The following ZFP91 variants were observed in gnomAD, a reference collection of about 807,000 sequenced individuals.
ZFP91 encodes the protein E3 ubiquitin-protein ligase ZFP91.
ZFP91 carries 7 observed loss-of-function variants against 63.5 expected under a neutral mutation model. The observed-to-expected ratio is 0.11, with a 90% CI of 0.06 to 0.21. The LOEUF (loss-of-function observed/expected upper bound fraction) is 0.21. ZFP91 is among the 10% of genes least tolerant of loss of function. The probability of loss-of-function intolerance (pLI) is 1.00; values close to 1 mark genes in which losing one functional copy is unlikely to be tolerated. For synonymous variants in ZFP91, 330 were observed against 272.1 expected (o/e 1.21, Z -2.10); for missense variants, 628 against 736.6 (o/e 0.85, Z 1.71).
rs753031250 is a variant in ZFP91, at chr11:58,609,868, C to G, written c.409C>G (p.Leu137Val). The change falls in exon 3 of 11, where the codon CTC becomes GTC. Residue 137 changes from leucine to valine, a missense_variant. Transcript: ENST00000316059. The stretch of plus-strand genomic sequence containing the variant: ...AAAAGAGGAAGAAGACGATTCTGCC[C>G]TCCCTCAGGAAGTTTCCATTGCTGC... ...EEKEEEDDSA[L>V]PQEVSIAASR... is the part of the protein sequence containing the mutation. 1.2e-6 allele frequency: 2 copies of G among 1,614,158 alleles called. No individual in the cohort carries two copies. Among genetic ancestry groups the G allele is most frequent in the East Asian group, 4.5e-5 (2 of 44,878 alleles).
chr11:58,593,972 G>A (rs1445777954), intron 2 of ZFP91, among the ~76,000 whole-genome samples: 1 of 152,090 alleles, frequency 6.6e-6, no homozygotes, highest in Non-Finnish European at 1.5e-5. Flanking sequence ...CCTCTTTAAA[G>A]CCATTATTAT....
rs1855842681 is a variant in ZFP91 at position 58,621,046 on chromosome 11, A to G, written c.*3340A>G. 6.6e-6 allele frequency: 1 copy of G among 152,646 alleles called. No individual in the cohort carries two copies. Among genetic ancestry groups the G allele is most frequent in the African/African-American group, 2.4e-5 (1 of 41,464 alleles). 9.5% of individuals were successfully genotyped at this position (152,646 alleles called of 1,614,324 possible). ...AATAAAAGTTGTCTTCATGGAAGCA[A>G]CTTGTCTTCCTTGGTTGTACTGAGT... is the stretch of plus-strand genomic sequence containing the variant. On this transcript the variant is annotated 3_prime_UTR_variant, in exon 11 of 11. Transcript: ENST00000316059.
At position 58,579,321 on chromosome 11, in the gene ZFP91, C is replaced by G. The variant is rs778406938; in HGVS notation, c.40C>G (p.Gln14Glu). Residue 14 changes from glutamine to glutamate, a missense_variant, in exon 1 of 11, where the codon CAG (glutamine) becomes GAG (glutamate). Gln to Glu is a conservative substitution (Grantham distance 29, BLOSUM62 2). Transcript: ENST00000316059. The stretch of plus-strand genomic sequence containing the variant: ...GGAAGAGCCGAGACCCCCGGAGCAG[C>G]AGGACCAGGAAGGGGGAGAGGCGGC... ...ETEEPRPPEQ[Q>E]DQEGGEAAKA... 10 of 1,493,246 alleles carry G rather than the reference C, an allele frequency of 6.7e-6. No homozygotes were observed. The highest frequency in any genetic ancestry group is 2.3e-4 in the Middle Eastern group (1 of 4,434). 92.5% of individuals were successfully genotyped at this position (1,493,246 alleles called of 1,614,324 possible).
chr11:58,612,290 A>G lies in ZFP91; in HGVS notation c.870A>G (p.Arg290=). The change falls in exon 7 of 11, where the codon AGA becomes AGG. Residue 290 remains arginine, a synonymous_variant. Coordinates refer to ENST00000316059, the MANE Select transcript of ZFP91 (RefSeq NM_053023.5). The part of the protein sequence containing the change: ...DEEPPRKRGR[R]RKDDKSPRLP... ...TCTTCAATTACAGGAGAGGAAGAAGACGAAAAGATGACAAAAGTCCACGTT... is the reference window on the plus strand; with the variant it reads ...TCTTCAATTACAGGAGAGGAAGAAGGCGAAAAGATGACAAAAGTCCACGTT... 2 of 1,613,770 alleles carry G rather than the reference A, an allele frequency of 1.2e-6. No individual in the cohort carries two copies. Among genetic ancestry groups the G allele is most frequent in the Non-Finnish European group, 1.7e-6 (2 of 1,179,752 alleles).
At chr11:58,616,963 C>T in intron 10 of ZFP91, 148 bp downstream of exon 10, 1 of 885,048 alleles carries the variant, frequency 1.1e-6, no homozygotes, top group South Asian at 1.8e-5. Context: ...TAGTTAGTAG[C>T]CTTTTTCTTA....
At position 58,619,872 on chromosome 11, in the gene ZFP91, C is replaced by T. The variant is rs1035415573; in HGVS notation, c.*2166C>T. ...AAAAAAGTTGTCCTCCTCTCAGGTC[C>T]CTTTTACACTTTTTGACTAACTAGC... On this transcript the variant is annotated 3_prime_UTR_variant, in exon 11 of 11. Transcript: ENST00000316059. 6.6e-6 allele frequency: 1 copy of T among 152,166 alleles called. No individual in the cohort carries two copies. The highest frequency in any genetic ancestry group is 1.9e-4 in the East Asian group (1 of 5,192). The allele number at this position is 152,166 out of a possible 1,614,324, so 9.4% of individuals were successfully genotyped here.
At chr11:58,604,038 G>A (rs1855532457) in intron 2 of ZFP91, among the ~76,000 whole-genome samples, 1 of 152,152 alleles carries the variant, frequency 6.6e-6, no homozygotes, top group Non-Finnish European at 1.5e-5. Context: ...ACTCTGGGAG[G>A]TTGGGATTAG....
At chr11:58,589,498 T>A (rs766273490) in intron 2 of ZFP91, among the ~76,000 whole-genome samples, 1 of 152,244 alleles carries the variant, frequency 6.6e-6, no homozygotes, top group Non-Finnish European at 1.5e-5. Context: ...GATTGGCTAA[T>A]ATTTCAAAGC....
chr11:58,584,270 T>C (rs1855167471), intron 1 of ZFP91, among the ~76,000 whole-genome samples: 1 of 152,108 alleles, frequency 6.6e-6, no homozygotes, highest in African/African-American at 2.4e-5. Context: ...AGGGTCTTTT[T>C]AACACTTCAT....
chr11:58,600,436 AATT>A (rs1276991679), intron 2 of ZFP91, among the ~76,000 whole-genome samples: 1 of 151,864 alleles, frequency 6.6e-6, no homozygotes, highest in Non-Finnish European at 1.5e-5. Context: ...TAAAGGTAAT[AATT>A]ATTTTCTTAA....
intron 2 of ZFP91, among the ~76,000 whole-genome samples, 177 bp downstream of exon 2, chr11:58,585,061 A>G (rs1341159092): frequency 6.6e-6 from 1 of 152,214 alleles, no homozygotes; most frequent in Non-Finnish European, 1.5e-5. Flanking sequence ...GTATATTGGC[A>G]TTATTTAGAA....
In ZFP91 at chr11:58,609,712, T is replaced by G. The variant is rs180910622; in HGVS notation, c.371-118T>G. ...TTATTATTTCAATTAAAGTCTTCAG[T>G]TTTTTTTCCTTTGAAAATATTTAAT... On this transcript the variant is annotated intron_variant, in intron 2 of 10. Transcript: ENST00000316059. 4.8e-3 allele frequency: 4,365 copies of G among 918,054 alleles called. 15 individuals carry two copies. The highest frequency in any genetic ancestry group is 6.1e-3 in the Non-Finnish European group (3,776 of 617,460). 56.9% of individuals were successfully genotyped at this position (918,054 alleles called of 1,614,324 possible). A position where few individuals can be genotyped will look rare whatever the true frequency, so the allele number is the denominator to read the frequency against.
intron 1 of ZFP91, among the ~76,000 whole-genome samples, chr11:58,579,976 C>G (rs1855079618): frequency 1.3e-5 from 2 of 152,178 alleles, no homozygotes; most frequent in South Asian, 4.1e-4. Context: ...AGGCGGCTCT[C>G]CAGTATTACA....
At chr11:58,591,110 G>GT (rs1855298256) in intron 2 of ZFP91, among the ~76,000 whole-genome samples, 1 of 152,072 alleles carries the variant, frequency 6.6e-6, no homozygotes, top group Non-Finnish European at 1.5e-5. Flanking sequence ...AAACATAATT[G>GT]TTTTGGAAAC....
Position 58,619,832 on chromosome 11 carries a change from A to G in ZFP91, c.*2126A>G, listed in dbSNP as rs910386014. The G allele has an allele frequency of 1.2e-4, 19 of 152,430 alleles. No individual in the cohort carries two copies. The highest frequency in any genetic ancestry group is 3.9e-4 in the African/African-American group (16 of 41,470). 9.4% of individuals were successfully genotyped at this position (152,430 alleles called of 1,614,324 possible). ...GACTAGATTTGAAAATACAAGATTG[A>G]TTAGATGAATCTACAAAAAAGTTGT... is the stretch of plus-strand genomic sequence containing the variant. On this transcript the variant is annotated 3_prime_UTR_variant, in exon 11 of 11. Transcript: ENST00000316059.
intron 9 of ZFP91, among the ~76,000 whole-genome samples, chr11:58,615,874 A>G (rs1244966959): frequency 6.6e-6 from 1 of 152,210 alleles, no homozygotes; most frequent in Non-Finnish European, 1.5e-5. Context: ...ATTCTCATTA[A>G]TTCTGGTAAT....
intron 2 of ZFP91, among the ~76,000 whole-genome samples, chr11:58,608,348 A>C (rs997049118): frequency 1.3e-5 from 2 of 151,866 alleles, no homozygotes; most frequent in Non-Finnish European, 2.9e-5. Context: ...TTGTAGGATA[A>C]ATTTCTAGTA....
chr11:58,579,202 G>C lies in ZFP91; in HGVS notation c.-80G>C. ...TGAGCCGCAGGCTTCGGGAGGCGAG[G>C]GGGCGGGGGGAGCAGCGCCGAGGCC... On this transcript the variant is annotated 5_prime_UTR_variant, in exon 1 of 11. Coordinates refer to ENST00000316059, the MANE Select transcript of ZFP91 (RefSeq NM_053023.5). 8.2e-7 allele frequency: 1 copy of C among 1,217,478 alleles called. No homozygotes were observed. The highest frequency in any genetic ancestry group is 1.1e-6 in the Non-Finnish European group (1 of 936,816). 75.4% of individuals were successfully genotyped at this position (1,217,478 alleles called of 1,614,324 possible). A position where few individuals can be genotyped will look rare whatever the true frequency, so the allele number is the denominator to read the frequency against.
In ZFP91 at chr11:58,619,099, T is replaced by C. The variant is rs1164696753; in HGVS notation, c.*1393T>C. Reference sequence around the variant, plus strand: ...GCTGTTAGTGAAGGAACAAAGTCTATGAGTCCTAAAATTTTAAGTCAAAGA... The same window carrying C: ...GCTGTTAGTGAAGGAACAAAGTCTACGAGTCCTAAAATTTTAAGTCAAAGA... On this transcript the variant is annotated 3_prime_UTR_variant, in exon 11 of 11. Coordinates refer to ENST00000316059, the MANE Select transcript of ZFP91 (RefSeq NM_053023.5). 6.5e-6 allele frequency: 1 copy of C among 154,982 alleles called. No homozygotes were observed. Among genetic ancestry groups the C allele is most frequent in the East Asian group, 1.9e-4 (1 of 5,250 alleles). The allele number at this position is 154,982 out of a possible 1,614,324, so 9.6% of individuals were successfully genotyped here.
Sources: allele counts gnomAD v4.1 joint callset (sites outside exome capture counted in the v4.1 genomes callset), GRCh38; gene constraint gnomAD v4.1.1; transcripts MANE v1.5; gene names NCBI Gene and HGNC (gene_info 2026-07-23, HGNC 2026-07-21).